The following MCTP1 variants were observed in gnomAD, a reference collection of about 807,000 sequenced individuals.
The protein encoded by MCTP1 is multiple C2 and transmembrane domain-containing protein 1.
A neutral mutation model predicts 120.6 loss-of-function variants in MCTP1; 69 were observed. That is an observed-to-expected ratio of 0.57 (90% CI 0.47 to 0.70). MCTP1 has a LOEUF of 0.70. MCTP1 is among the 30% of genes least tolerant of loss of function. MCTP1 has a pLI of 0.00. For missense variants in MCTP1, 1,203 were observed against 1,248.8 expected (o/e 0.96, Z 0.55); for synonymous variants, 529 against 493.1 (o/e 1.07, Z -0.96).
intron 1 of MCTP1, among the ~76,000 whole-genome samples, chr5:95,250,687 A>G (rs969413905): frequency 6.6e-6 from 1 of 152,210 alleles, no homozygotes; most frequent in African/African-American, 2.4e-5. Context: ...CTTGAGTACA[A>G]TTTAAACAGA....
intron 1 of MCTP1, among the ~76,000 whole-genome samples, chr5:95,223,505 C>T (rs1753917297): frequency 6.6e-6 from 1 of 152,022 alleles, no homozygotes; most frequent in African/African-American, 2.4e-5. Context: ...ATCATCGTCA[C>T]ACCCCTCTTT....
chr5:94,902,204 C>A (rs970416010), intron 10 of MCTP1, among the ~76,000 whole-genome samples: 2 of 152,088 alleles, frequency 1.3e-5, no homozygotes, highest in African/African-American at 2.4e-5. Context: ...ACTAATTGAA[C>A]AAGCACAAGT....
intron 1 of MCTP1, among the ~76,000 whole-genome samples, chr5:95,100,602 A>G (rs1037583911): frequency 6.6e-6 from 1 of 152,238 alleles, no homozygotes; most frequent in Non-Finnish European, 1.5e-5. Context: ...CTTTTTAAAA[A>G]TCCCAAAACT....
intron 1 of MCTP1, among the ~76,000 whole-genome samples, chr5:95,023,686 G>A (rs952362406): frequency 5.9e-5 from 9 of 152,190 alleles, no homozygotes; most frequent in Non-Finnish European, 1.0e-4. Flanking sequence ...GGCTGATTAT[G>A]GAGGGATGCT....
At chr5:95,208,558 A>G (rs1047311342) in intron 1 of MCTP1, among the ~76,000 whole-genome samples, 1 of 152,152 alleles carries the variant, frequency 6.6e-6, no homozygotes, top group Non-Finnish European at 1.5e-5. Flanking sequence ...TTAGCAGATG[A>G]AGAAACTTTG....
Position 95,283,870 on chromosome 5 carries a change from G to GCTC in MCTP1, c.703_705dup (p.Glu235dup). The stretch of plus-strand genomic sequence containing the variant: ...CCGGCACTCACCTGGCTGCTGCCGT[G>GCTC]CTCCTCGCCCGTCTCCGGGGCCCGA... On this transcript the variant is annotated inframe_insertion, in exon 1 of 23. Coordinates refer to ENST00000515393, the MANE Select transcript of MCTP1 (RefSeq NM_024717.7). The GCTC allele has an allele frequency of 7.3e-7, 1 of 1,375,916 alleles. No homozygotes were observed. Among genetic ancestry groups the GCTC allele is most frequent in the Non-Finnish European group, 9.3e-7 (1 of 1,073,866 alleles). The allele number at this position is 1,375,916 out of a possible 1,614,324, so 85.2% of individuals were successfully genotyped here. A position where few individuals can be genotyped will look rare whatever the true frequency, so the allele number is the denominator to read the frequency against.
At chr5:95,198,624 C>CT (rs886755463) in intron 1 of MCTP1, among the ~76,000 whole-genome samples, 16 of 152,226 alleles carry the variant, frequency 1.1e-4, no homozygotes, top group African/African-American at 3.4e-4. Context: ...GTATAATAGC[C>CT]TATAGTTTTT....
At chr5:95,163,064 T>C (rs1362842325) in intron 1 of MCTP1, among the ~76,000 whole-genome samples, 4 of 152,206 alleles carry the variant, frequency 2.6e-5, no homozygotes, top group African/African-American at 9.7e-5. Flanking sequence ...CACATCAAAA[T>C]TTGTCTTCTT....
chr5:94,714,463 C>T (rs755297634), intron 20 of MCTP1, among the ~76,000 whole-genome samples: 2 of 152,082 alleles, frequency 1.3e-5, no homozygotes, highest in Admixed American at 6.6e-5. Flanking sequence ...TTTCCTATCA[C>T]AATTTCATAT....
chr5:95,275,457 C>T (rs950644341), intron 1 of MCTP1, among the ~76,000 whole-genome samples: 38 of 152,182 alleles, frequency 2.5e-4, no homozygotes, highest in Non-Finnish European at 4.7e-4. Context: ...CTTGTCTTTA[C>T]TTTGGTGGCC....
chr5:94,845,431 A>G (rs931078651), intron 17 of MCTP1, among the ~76,000 whole-genome samples: 1 of 152,216 alleles, frequency 6.6e-6, no homozygotes, highest in Non-Finnish European at 1.5e-5. Flanking sequence ...TCTCCAAGAC[A>G]CGTGGGGATT....
At chr5:94,930,160 T>A (rs1288744486) in intron 6 of MCTP1, among the ~76,000 whole-genome samples, 1 of 151,800 alleles carries the variant, frequency 6.6e-6, no homozygotes, top group African/African-American at 2.4e-5. Flanking sequence ...TTATTCACTT[T>A]AAATTTTCTG....
intron 1 of MCTP1, among the ~76,000 whole-genome samples, chr5:95,191,753 C>T (rs932236388): frequency 6.6e-6 from 1 of 151,984 alleles, no homozygotes; most frequent in Non-Finnish European, 1.5e-5. Context: ...TGAGCTGACT[C>T]CCACTCCTGC....
intron 17 of MCTP1, among the ~76,000 whole-genome samples, chr5:94,850,363 A>G (rs1262952814): frequency 6.6e-6 from 1 of 152,194 alleles, no homozygotes; most frequent in Non-Finnish European, 1.5e-5. Flanking sequence ...AATTTATGCA[A>G]ATAACACTGC....
At chr5:94,710,980 A>G in intron 20 of MCTP1, 53 bp from the exon 21 acceptor site, 1 of 1,190,994 alleles carries the variant, frequency 8.4e-7, no homozygotes, top group South Asian at 1.3e-5. Flanking sequence ...CTTTTTTCAA[A>G]TATTAAAATA....
At chr5:94,749,198 A>T (rs112752448) in intron 19 of MCTP1, among the ~76,000 whole-genome samples, 15 of 152,350 alleles carry the variant, frequency 9.8e-5, no homozygotes, top group African/African-American at 3.1e-4. Context: ...AGAAGACTAC[A>T]GAAAAAAGTA....
chr5:95,224,098 T>A (rs774217401), intron 1 of MCTP1, among the ~76,000 whole-genome samples: 3 of 152,190 alleles, frequency 2.0e-5, no homozygotes, highest in Non-Finnish European at 2.9e-5. Context: ...GGAAATGCAA[T>A]GGCTCTGGTG....
In MCTP1 at chr5:95,284,600, C is replaced by CCCTCCTCCTCCTCCT. The variant is rs61185942; in HGVS notation, c.-40_-26dup. Reference sequence around the variant, plus strand: ...TCCTCCACCCCCTGCTCCTCCTCTCCCCTCCTCCTCCTCCTCCTCCTCCTG... The same window carrying CCCTCCTCCTCCTCCT: ...TCCTCCACCCCCTGCTCCTCCTCTCCCCTCCTCCTCCTCCTCCTCCTCCTCCTCCTCCTCCTCCTG... On this transcript the variant is annotated 5_prime_UTR_variant, in exon 1 of 23. Coordinates refer to ENST00000515393, the MANE Select transcript of MCTP1 (RefSeq NM_024717.7). This position sits in a 1 kb window ranked among gnomAD's most constrained non-coding sequence, Gnocchi z 5.2. 7.3e-7 allele frequency: 1 copy of CCCTCCTCCTCCTCCT among 1,372,278 alleles called. No individual in the cohort carries two copies. The highest frequency in any genetic ancestry group is 9.4e-7 in the Non-Finnish European group (1 of 1,064,338). 85.0% of individuals were successfully genotyped at this position (1,372,278 alleles called of 1,614,324 possible).
intron 1 of MCTP1, among the ~76,000 whole-genome samples, chr5:95,026,154 A>G (rs1339987601): frequency 6.6e-6 from 1 of 151,998 alleles, no homozygotes; most frequent in African/African-American, 2.4e-5. Flanking sequence ...TTTAATTTTA[A>G]TTTTTAATTT....
Sources: allele counts gnomAD v4.1 joint callset (sites outside exome capture counted in the v4.1 genomes callset), GRCh38; gene constraint gnomAD v4.1.1; non-coding constraint Gnocchi (gnomAD v3.1); transcripts MANE v1.5; gene names NCBI Gene and HGNC (gene_info 2026-07-23, HGNC 2026-07-21).